Variants in NCOR1 observed in about 807,000 individuals in gnomAD.
NCOR1 encodes the protein protein phosphatase 1, regulatory subunit 109.
In NCOR1, 63 loss-of-function variants were observed where a neutral mutation model predicts 288.1. The ratio of observed to expected loss-of-function variants is 0.22; its 90% CI spans 0.18 to 0.27. NCOR1 has a LOEUF of 0.27. Ranked by LOEUF, NCOR1 falls within the 10% of genes least tolerant of loss-of-function variation. NCOR1 has a pLI of 1.00. For synonymous variants in NCOR1, 1,007 were observed against 1,065.9 expected, an observed-to-expected ratio of 0.94 and a Z score of 1.08; for missense variants, 2,397 against 3,019.2, an observed-to-expected ratio of 0.79 and a Z score of 4.83.
intron 18 of NCOR1, among the ~76,000 whole-genome samples, chr17:16,112,148 CG>C: frequency 6.6e-6 from 1 of 152,138 alleles, no homozygotes; most frequent in Non-Finnish European, 1.5e-5. Context: ...AGATTACAGG[CG>C]TGAGTCCCCA....
chr17:16,110,102 C>A (rs768447434), intron 18 of NCOR1, among the ~76,000 whole-genome samples: 1 of 152,156 alleles, frequency 6.6e-6, no homozygotes, highest in Non-Finnish European at 1.5e-5. Context: ...TGTCTATAAT[C>A]CCAGCACTTT....
At chr17:16,049,957 C>T (rs1017054069) in intron 40 of NCOR1, among the ~76,000 whole-genome samples, 2 of 152,152 alleles carry the variant, frequency 1.3e-5, no homozygotes, top group African/African-American at 4.8e-5. Flanking sequence ...GGAGTGCAAT[C>T]ATAGCTCACT....
chr17:16,121,716 GTAA>G lies in NCOR1; in HGVS notation c.1635-450_1635-448del, dbSNP rs532583098. On this transcript the variant is annotated intron_variant, in intron 15 of 45. Transcript: ENST00000268712. ...CTTCATGATAGATGCCTTTTCTATA[GTAA>G]TAATCCACAATATTGTTTTACAGTA... Among the ~76,000 whole-genome samples, 118 of 152,296 alleles carry G rather than the reference GTAA, an allele frequency of 7.7e-4. No individual in the cohort carries two copies. The Middle Eastern group carries it at 0.014, about 18-fold the overall frequency.
At position 16,170,087 on chromosome 17, in the gene NCOR1, C is replaced by T. The variant is rs2082830529; in HGVS notation, c.435+1716G>A. Reference sequence around the variant, plus strand: ...TTCATCTAGATTCACCAGTAGTTAACATTTTAACATATTTGCTTTCTGTGT... The same window carrying T: ...TTCATCTAGATTCACCAGTAGTTAATATTTTAACATATTTGCTTTCTGTGT... On this transcript the variant is annotated intron_variant, in intron 4 of 45. Coordinates refer to ENST00000268712, the MANE Select transcript of NCOR1 (RefSeq NM_006311.4). Among the ~76,000 whole-genome samples, 11 of 141,998 alleles carry T rather than the reference C, an allele frequency of 7.7e-5. No homozygotes were observed. In the South Asian group the frequency reaches 2.0e-3, roughly 26 times the overall value. The allele number at this position is 141,998 out of a possible 152,430, so 93.2% of individuals were successfully genotyped here. A position where few individuals can be genotyped will look rare whatever the true frequency, so the allele number is the denominator to read the frequency against.
In NCOR1 at chr17:16,092,687, ATATATATATTTTTT is replaced by A. The variant is rs1385517566; in HGVS notation, c.2821-643_2821-630del. Among the ~76,000 whole-genome samples, 58 of 11,532 alleles carry A rather than the reference ATATATATATTTTTT, an allele frequency of 5.0e-3. 3 individuals carry two copies. Among genetic ancestry groups the A allele is most frequent in the African/African-American group, 0.018 (55 of 3,074 alleles). 7.6% of individuals were successfully genotyped at this position (11,532 alleles called of 152,430 possible). Reference sequence around the variant, plus strand: ...TATATATATATATATATATATATATATATATATATTTTTTTTTTTTTTTTTTTTTAAGACATAGT... The same window carrying A: ...TATATATATATATATATATATATATATTTTTTTTTTTTTTTAAGACATAGT... On this transcript the variant is annotated intron_variant, in intron 21 of 45. Coordinates refer to ENST00000268712, the MANE Select transcript of NCOR1 (RefSeq NM_006311.4).
intron 14 of NCOR1, among the ~76,000 whole-genome samples, chr17:16,136,038 C>T (rs781295142): frequency 2.0e-4 from 30 of 152,294 alleles, no homozygotes; most frequent in Non-Finnish European, 3.1e-4. Flanking sequence ...GTGGCAGTAG[C>T]GCAGCAGTCT....
chr17:16,087,680 G>A (rs2064461275), intron 22 of NCOR1, among the ~76,000 whole-genome samples: 1 of 152,206 alleles, frequency 6.6e-6, no homozygotes, highest in Admixed American at 6.5e-5. Flanking sequence ...TGGCCTGACT[G>A]GAGGTTATTA....
In NCOR1 at chr17:16,127,711, G is replaced by A. The variant is rs555667832; in HGVS notation, c.1510-1505C>T. 2.0e-3 allele frequency among the ~76,000 whole-genome samples: 263 copies of A among 133,310 alleles called. 12 individuals carry two copies. The highest frequency in any genetic ancestry group is 9.4e-3 in the Middle Eastern group (2 of 212). The allele number at this position is 133,310 out of a possible 152,430, so 87.5% of individuals were successfully genotyped here. ...TATATACATATATGTATATATGTGT[G>A]TGTATATATACATATATGTGTATAT... On this transcript the variant is annotated intron_variant, in intron 14 of 45. Coordinates refer to ENST00000268712, the MANE Select transcript of NCOR1 (RefSeq NM_006311.4).
chr17:16,077,719 T>G (rs1038792474), intron 26 of NCOR1, among the ~76,000 whole-genome samples: 1 of 152,102 alleles, frequency 6.6e-6, no homozygotes, highest in African/African-American at 2.4e-5. Context: ...GCTACAGGAA[T>G]GAACAAGATT....
intron 44 of NCOR1, among the ~76,000 whole-genome samples, chr17:16,035,380 T>A (rs2045276366): frequency 6.6e-6 from 1 of 152,178 alleles, no homozygotes. Context: ...ATTTCAGCCA[T>A]GTTCACAGCA....
At chr17:16,118,155 A>G (rs183818393) in intron 17 of NCOR1, 128 bp from the exon 18 acceptor site, 1 of 895,608 alleles carries the variant, frequency 1.1e-6, no homozygotes, top group East Asian at 2.6e-5. Flanking sequence ...TCAATTACTT[A>G]TCATATATAC....
chr17:16,151,161 AAACT>A (rs2078795940), intron 8 of NCOR1, among the ~76,000 whole-genome samples: 1 of 151,798 alleles, frequency 6.6e-6, no homozygotes, highest in East Asian at 1.9e-4. Context: ...TTTTTGTCAC[AAACT>A]AAGAATAATG....
At chr17:16,197,151 C>A (rs2089995761) in intron 1 of NCOR1, among the ~76,000 whole-genome samples, 1 of 151,962 alleles carries the variant, frequency 6.6e-6, no homozygotes, top group Non-Finnish European at 1.5e-5. Context: ...GAAACCTGGT[C>A]TCTACTAAAG....
chr17:16,155,370 TACACACAC>T (rs1310916507), intron 6 of NCOR1, among the ~76,000 whole-genome samples: 7 of 113,238 alleles, frequency 6.2e-5, no homozygotes, highest in African/African-American at 2.3e-4. Context: ...AAAAAAAAAA[TACACACAC>T]ACACACACAC....
chr17:16,054,823 T>C (rs1379634471), intron 40 of NCOR1, among the ~76,000 whole-genome samples: 2 of 152,122 alleles, frequency 1.3e-5, no homozygotes, highest in Admixed American at 1.3e-4. Context: ...TCCTAGCTAC[T>C]TAGGAGGCTG....
chr17:16,167,980 TAAC>T (rs2082351251), intron 4 of NCOR1, among the ~76,000 whole-genome samples: 1 of 151,562 alleles, frequency 6.6e-6, no homozygotes, highest in South Asian at 2.1e-4. Flanking sequence ...ACATGCACTC[TAAC>T]AACTCAATGT....
chr17:16,135,990 G>A (rs76594468), intron 14 of NCOR1, among the ~76,000 whole-genome samples: 11 of 152,284 alleles, frequency 7.2e-5, no homozygotes, highest in African/African-American at 2.4e-4. Flanking sequence ...ATATCTATCC[G>A]GGTGTAGACA....
intron 37 of NCOR1, among the ~76,000 whole-genome samples, chr17:16,059,396 T>C (rs1002134662): frequency 6.6e-6 from 1 of 152,146 alleles, no homozygotes; most frequent in African/African-American, 2.4e-5. Context: ...CTCCAAACAT[T>C]AATAATTTTT....
chr17:16,047,837 C>G (rs1795874581), intron 41 of NCOR1, among the ~76,000 whole-genome samples: 2 of 152,190 alleles, frequency 1.3e-5, no homozygotes, highest in African/African-American at 4.8e-5. Context: ...AACACGTACT[C>G]TATGCCAGGA....
Sources: gnomAD v4.1 joint callset for allele counts (sites outside exome capture counted in the v4.1 genomes callset) on GRCh38, gnomAD v4.1.1 for gene constraint, MANE v1.5 for transcripts, NCBI Gene and HGNC (gene_info 2026-07-23, HGNC 2026-07-21) for gene names.